ACYP2: variants seen among roughly 807,000 people sequenced by gnomAD.
ACYP2 encodes the protein acylphosphatase-2.
In ACYP2, 12 loss-of-function variants were observed where a neutral mutation model predicts 11.2. The ratio of observed to expected loss-of-function variants is 1.08; its 90% CI spans 0.69 to 1.74. The LOEUF (loss-of-function observed/expected upper bound fraction) is 1.74. Among genes scored for constraint, ACYP2 ranks in the 40% most tolerant of loss-of-function variants. The pLI, the probability that ACYP2 is intolerant of heterozygous loss-of-function variation, is 0.00. For synonymous variants in ACYP2, 43 were observed against 32.2 expected, an observed-to-expected ratio of 1.33 and a Z score of -1.13; for missense variants, 134 against 101.9, an observed-to-expected ratio of 1.31 and a Z score of -1.35.
At chr2:54,217,792 A>G (rs1264956971) in intron 6 of ACYP2, among the ~76,000 whole-genome samples, 1 of 152,212 alleles carries the variant, frequency 6.6e-6, no homozygotes, top group African/African-American at 2.4e-5. Flanking sequence ...TGTCAAACAC[A>G]TGCCTTTAGC....
chr2:54,255,741 C>A (rs1463941424), intron 6 of ACYP2: 2 of 1,613,864 alleles, frequency 1.2e-6, no homozygotes, highest in Non-Finnish European at 1.7e-6. Context: ...CTTCAGACTC[C>A]GACCTCCCTG....
intron 6 of ACYP2, among the ~76,000 whole-genome samples, chr2:54,248,511 G>A (rs1338718132): frequency 1.3e-5 from 2 of 152,064 alleles, no homozygotes; most frequent in Admixed American, 1.3e-4. Context: ...GTCTAGTATG[G>A]TGTCTAGAAT....
At chr2:54,071,719 A>T (rs929912065) in intron 4 of ACYP2, among the ~76,000 whole-genome samples, 1 of 152,152 alleles carries the variant, frequency 6.6e-6, no homozygotes, top group Non-Finnish European at 1.5e-5. Flanking sequence ...ACAATTTAAA[A>T]ATGACGTTAG....
intron 4 of ACYP2, among the ~76,000 whole-genome samples, chr2:54,104,768 C>G (rs1200613872): frequency 2.0e-5 from 3 of 152,198 alleles, no homozygotes; most frequent in Non-Finnish European, 4.4e-5. Context: ...CTGCTGATGG[C>G]TGGCCCAGCA....
At chr2:54,045,470 A>G (rs1454407585) in intron 2 of ACYP2, among the ~76,000 whole-genome samples, 5 of 152,210 alleles carry the variant, frequency 3.3e-5, no homozygotes, top group Admixed American at 1.3e-4. Flanking sequence ...TAATTAAAAG[A>G]GAGGTTTTAG....
At chr2:54,256,023 G>T in intron 6 of ACYP2, 4 of 1,614,178 alleles carry the variant, frequency 2.5e-6, no homozygotes, top group Non-Finnish European at 3.4e-6. Flanking sequence ...TTGGCTCCAA[G>T]CGGCCATCAA....
intron 6 of ACYP2, among the ~76,000 whole-genome samples, chr2:54,296,792 CT>C (rs1558676434): frequency 1.3e-5 from 2 of 152,148 alleles, no homozygotes; most frequent in Non-Finnish European, 2.9e-5. Context: ...AATAACCTGA[CT>C]TCTATCAACA....
At chr2:54,055,014 C>T (rs973024663) in intron 3 of ACYP2, among the ~76,000 whole-genome samples, 1 of 152,070 alleles carries the variant, frequency 6.6e-6, no homozygotes, top group Non-Finnish European at 1.5e-5. Flanking sequence ...AAAGAGCTGG[C>T]TATGCAACAA....
At chr2:54,163,872 T>A (rs1682838485) in intron 6 of ACYP2, among the ~76,000 whole-genome samples, 1 of 152,018 alleles carries the variant, frequency 6.6e-6, no homozygotes, top group Non-Finnish European at 1.5e-5. Flanking sequence ...AAAAAAGTTA[T>A]CATTCACTTA....
chr2:54,282,169 A>C (rs566960144), intron 6 of ACYP2, among the ~76,000 whole-genome samples: 1 of 152,336 alleles, frequency 6.6e-6, no homozygotes, highest in Admixed American at 6.5e-5. Context: ...ATCTCTTATG[A>C]AATAACAGAA....
At chr2:54,224,312 T>A (rs1477033500) in intron 6 of ACYP2, among the ~76,000 whole-genome samples, 1 of 152,098 alleles carries the variant, frequency 6.6e-6, no homozygotes, top group African/African-American at 2.4e-5. Flanking sequence ...GTGCTAAACA[T>A]TGAAGGGTGA....
intron 4 of ACYP2, among the ~76,000 whole-genome samples, chr2:54,081,173 C>A (rs2103665142): frequency 6.6e-6 from 1 of 152,266 alleles, no homozygotes; most frequent in East Asian, 1.9e-4. Flanking sequence ...TACATGTGGA[C>A]CTCCTCAGTT....
chr2:53,983,474 C>T (rs1671865956), intron 2 of ACYP2, among the ~76,000 whole-genome samples: 1 of 152,070 alleles, frequency 6.6e-6, no homozygotes, highest in Admixed American at 6.6e-5. Flanking sequence ...CCACTGCCCT[C>T]CAGCCTAGGC....
intron 6 of ACYP2, among the ~76,000 whole-genome samples, chr2:54,296,165 T>A (rs1005533343): frequency 6.6e-6 from 1 of 152,144 alleles, no homozygotes; most frequent in African/African-American, 2.4e-5. Flanking sequence ...ATCGTTGACA[T>A]CATGCATGCA....
intron 6 of ACYP2, among the ~76,000 whole-genome samples, chr2:54,179,090 C>T (rs1303833618): frequency 6.6e-6 from 1 of 151,996 alleles, no homozygotes; most frequent in Non-Finnish European, 1.5e-5. Flanking sequence ...GGTGAGGGAG[C>T]TCTCTAGGGT....
rs183763411 is a variant in ACYP2, at chr2:54,061,451, G to C, written c.277+4091G>C. Among the ~76,000 whole-genome samples, 12 of 152,310 alleles carry C rather than the reference G, an allele frequency of 7.9e-5. No individual in the cohort carries two copies. The South Asian group carries it at 8.3e-4, about 11-fold the overall frequency. ...TGGAAAATTAGTTTCACTCTCATGG[G>C]AGTATGACTCCTGAACAGAGACTAA... On this transcript the variant is annotated intron_variant, in intron 4 of 6. Coordinates refer to ENST00000607452, the MANE Select transcript of ACYP2 (RefSeq NM_001320586.2).
At chr2:54,036,635 G>C (rs758117563) in intron 2 of ACYP2, among the ~76,000 whole-genome samples, 75 of 152,196 alleles carry the variant, frequency 4.9e-4, no homozygotes, top group Non-Finnish European at 4.0e-4. Context: ...GATTTCTCAT[G>C]GTAAGTTAGT....
At chr2:54,044,936 A>T (rs774506025) in intron 2 of ACYP2, among the ~76,000 whole-genome samples, 14 of 152,242 alleles carry the variant, frequency 9.2e-5, no homozygotes, top group Non-Finnish European at 1.8e-4. Flanking sequence ...ATTTATCATG[A>T]GGTCAGCTCA....
At chr2:54,152,958 C>T (rs1010775917) in intron 6 of ACYP2, among the ~76,000 whole-genome samples, 11 of 152,162 alleles carry the variant, frequency 7.2e-5, no homozygotes, top group African/African-American at 2.2e-4. Flanking sequence ...CCACCATGCT[C>T]AGCTGGTTTC....
Sources: gnomAD v4.1 joint callset for allele counts (sites outside exome capture counted in the v4.1 genomes callset) on GRCh38, gnomAD v4.1.1 for gene constraint, MANE v1.5 for transcripts, NCBI Gene and HGNC (gene_info 2026-07-23, HGNC 2026-07-21) for gene names.